The following COLEC12 variants were observed in gnomAD, a reference collection of about 807,000 sequenced individuals.
COLEC12 encodes the protein collectin-12.
COLEC12 carries 33 observed loss-of-function variants against 71.1 expected under a neutral mutation model. That is an observed-to-expected ratio of 0.46 (90% CI 0.35 to 0.62). The LOEUF (loss-of-function observed/expected upper bound fraction) is 0.62. Ranked by LOEUF, COLEC12 falls within the 20% of genes least tolerant of loss-of-function variation. The probability of loss-of-function intolerance (pLI) is 0.00; values close to 1 mark genes in which losing one functional copy is unlikely to be tolerated. For missense variants in COLEC12, 765 were observed against 916.1 expected (o/e 0.84, Z 2.13); for synonymous variants, 350 against 353.0 (o/e 0.99, Z 0.10).
intron 8 of COLEC12, among the ~76,000 whole-genome samples, chr18:326,935 C>T (rs929951448): frequency 2.0e-5 from 3 of 152,188 alleles, no homozygotes; most frequent in African/African-American, 7.2e-5. Flanking sequence ...TGTGACATGG[C>T]CCTGGAAACC....
At chr18:352,601 T>C (rs1914548534) in intron 3 of COLEC12, among the ~76,000 whole-genome samples, 2 of 152,216 alleles carry the variant, frequency 1.3e-5, no homozygotes, top group Admixed American at 6.5e-5. Flanking sequence ...ACAGTTTACA[T>C]GCACTGGGGG....
At chr18:417,594 A>G (rs1916012643) in intron 2 of COLEC12, among the ~76,000 whole-genome samples, 1 of 152,174 alleles carries the variant, frequency 6.6e-6, no homozygotes, top group Non-Finnish European at 1.5e-5. Flanking sequence ...ATCTTGCCCT[A>G]CCTTCTGGGC....
At chr18:440,498 G>A (rs924397524) in intron 2 of COLEC12, among the ~76,000 whole-genome samples, 1 of 151,934 alleles carries the variant, frequency 6.6e-6, no homozygotes, top group Non-Finnish European at 1.5e-5. Flanking sequence ...CTTTAAATAT[G>A]TACAATTTTA....
intron 2 of COLEC12, among the ~76,000 whole-genome samples, chr18:468,561 A>G (rs1917132821): frequency 6.6e-6 from 1 of 152,224 alleles, no homozygotes; most frequent in African/African-American, 2.4e-5. Context: ...GTATATTCAC[A>G]TATACATATG....
At chr18:449,730 GGCAGGGACAC>G (rs1916722476) in intron 2 of COLEC12, among the ~76,000 whole-genome samples, 2 of 152,210 alleles carry the variant, frequency 1.3e-5, no homozygotes, top group African/African-American at 2.4e-5. Context: ...GACTGATCAT[GGCAGGGACAC>G]GAGAGCCAGG....
chr18:325,136 T>G (rs1474614254), intron 8 of COLEC12, among the ~76,000 whole-genome samples: 1 of 152,188 alleles, frequency 6.6e-6, no homozygotes, highest in Non-Finnish European at 1.5e-5. Flanking sequence ...GAGGCTGCAG[T>G]GAGCTGTGAT....
rs570364620 is a variant in COLEC12 at position 450,413 on chromosome 18, TTC to T, written c.58+30292_58+30293del. 5.7e-3 allele frequency among the ~76,000 whole-genome samples: 865 copies of T among 152,296 alleles called. 7 individuals carry two copies. Among genetic ancestry groups the T allele is most frequent in the African/African-American group, 0.02 (814 of 41,560 alleles). On this transcript the variant is annotated intron_variant, in intron 2 of 9. Transcript: ENST00000400256. ...TTGGCACTGTATTGTGAGTGAGTTC[TTC>T]TGAGATCTGGTGGTTTACAAGTGTG...
At chr18:395,855 G>T (rs1023541063) in intron 2 of COLEC12, among the ~76,000 whole-genome samples, 1 of 152,136 alleles carries the variant, frequency 6.6e-6, no homozygotes, top group African/African-American at 2.4e-5. Flanking sequence ...AAAAGCACAT[G>T]TCACATCTGC....
Position 346,247 on chromosome 18 carries a change from G to T in COLEC12, c.1327+48C>A. ...GCCAAGTTTTAGAGTAACTTGTTAT[G>T]CAGCAATAAACAACTAATACAAATA... On this transcript the variant is annotated intron_variant, in intron 5 of 9. Transcript: ENST00000400256. This position sits in a 1 kb window ranked among gnomAD's most constrained non-coding sequence, Gnocchi z 4.0. 1 of 1,336,810 alleles carries T rather than the reference G, an allele frequency of 7.5e-7. No homozygotes were observed. The highest frequency in any genetic ancestry group is 1.0e-6 in the Non-Finnish European group (1 of 966,336). The allele number at this position is 1,336,810 out of a possible 1,614,324, so 82.8% of individuals were successfully genotyped here.
intron 2 of COLEC12, among the ~76,000 whole-genome samples, chr18:421,738 A>C (rs527832450): frequency 2.6e-4 from 40 of 152,206 alleles, no homozygotes; most frequent in African/African-American, 9.4e-4. Context: ...CCAGTGATTG[A>C]CCACTGATGG....
At chr18:416,200 TG>T (rs1334925735) in intron 2 of COLEC12, among the ~76,000 whole-genome samples, 1 of 152,158 alleles carries the variant, frequency 6.6e-6, no homozygotes, top group Non-Finnish European at 1.5e-5. Flanking sequence ...TTACAAGTGT[TG>T]ACACCCCCCC....
intron 2 of COLEC12, among the ~76,000 whole-genome samples, chr18:376,806 C>A (rs376463799): frequency 6.6e-6 from 1 of 152,170 alleles, no homozygotes; most frequent in Non-Finnish European, 1.5e-5. Flanking sequence ...CAAATAGAGA[C>A]CCTAGCACAG....
In COLEC12 at chr18:499,699, A is replaced by G. The variant is rs570507557; in HGVS notation, c.7+809T>C. ...CGGTTACTTATCTCATACATAAATC[A>G]GGATTCCGCTGACAAATCTCCGTGT... On this transcript the variant is annotated intron_variant, in intron 1 of 9. Transcript: ENST00000400256. Among the ~76,000 whole-genome samples, 15 of 152,362 alleles carry G rather than the reference A, an allele frequency of 9.8e-5. No homozygotes were observed. In the East Asian group the frequency reaches 2.5e-3, roughly 25 times the overall value.
intron 5 of COLEC12, among the ~76,000 whole-genome samples, chr18:343,238 T>A (rs8095121): frequency 0.16 from 24,290 of 152,094 alleles, 2,196 homozygotes; most frequent in Non-Finnish European, 0.21. Context: ...GGCACAAACA[T>A]GGACAAGCAG....
rs1319461805 is a variant in COLEC12, at chr18:455,654, C to CG, written c.58+25052_58+25053insC. Among the ~76,000 whole-genome samples the CG allele has an allele frequency of 2.0e-3, 306 of 151,900 alleles. 1 individual carries two copies. The highest frequency in any genetic ancestry group is 0.017 in the Middle Eastern group (5 of 294). ...AATGCTCCCCCTCCCTTTGCCCCCC[C>CG]CTCCCCTGACAGGCCTGGGTGTGTG... is the stretch of plus-strand genomic sequence containing the variant. On this transcript the variant is annotated intron_variant, in intron 2 of 9. Coordinates refer to ENST00000400256, the MANE Select transcript of COLEC12 (RefSeq NM_130386.3).
intron 5 of COLEC12, among the ~76,000 whole-genome samples, chr18:339,722 C>A (rs773601609): frequency 6.6e-6 from 1 of 152,154 alleles, no homozygotes; most frequent in Non-Finnish European, 1.5e-5. Context: ...CCCTCAGATG[C>A]TGGGTTAGGT....
intron 5 of COLEC12, among the ~76,000 whole-genome samples, chr18:340,221 C>T (rs561884224): frequency 6.6e-6 from 1 of 152,122 alleles, no homozygotes; most frequent in Admixed American, 6.5e-5. Context: ...TGCTTTCAAA[C>T]TGACTGAAAT....
chr18:387,022 A>G (rs1395076263), intron 2 of COLEC12, among the ~76,000 whole-genome samples: 2 of 152,104 alleles, frequency 1.3e-5, no homozygotes, highest in African/African-American at 4.8e-5. Context: ...TTGCTGCCCC[A>G]TGATCGCTAA....
chr18:457,156 G>A (rs1916889232), intron 2 of COLEC12, among the ~76,000 whole-genome samples: 1 of 152,148 alleles, frequency 6.6e-6, no homozygotes, highest in Non-Finnish European at 1.5e-5. Flanking sequence ...AGTGAGGCCT[G>A]CCGATCTGCT....
Sources: allele counts gnomAD v4.1 joint callset (sites outside exome capture counted in the v4.1 genomes callset), GRCh38; gene constraint gnomAD v4.1.1; non-coding constraint Gnocchi (gnomAD v3.1); transcripts MANE v1.5; gene names NCBI Gene and HGNC (gene_info 2026-07-23, HGNC 2026-07-21).